SNX13: variants seen among roughly 807,000 people sequenced by gnomAD.
SNX13 encodes sorting nexin-13.
A neutral mutation model predicts 133.6 loss-of-function variants in SNX13; 45 were observed. The observed-to-expected ratio is 0.34, with a 90% CI of 0.27 to 0.43. The LOEUF (loss-of-function observed/expected upper bound fraction) is 0.43. Among genes scored for constraint, SNX13 ranks in the 20% least tolerant of loss-of-function variants. The pLI, the probability that SNX13 is intolerant of heterozygous loss-of-function variation, is 1.00. For synonymous variants in SNX13, 414 were observed against 373.9 expected (o/e 1.11, Z -1.24); for missense variants, 1,032 against 1,145.1 (o/e 0.90, Z 1.43).
At position 17,850,359 on chromosome 7, in the gene SNX13, C is replaced by G. The variant is rs1196558268; in HGVS notation, c.1053G>C (p.Leu351Phe). ...CTACTTTACTTACTTTGCCTGACTGCAATCGCTGTATTCTTGAGTCACATA... is the reference window on the plus strand; with the variant it reads ...CTACTTTACTTACTTTGCCTGACTGGAATCGCTGTATTCTTGAGTCACATA... ...KKVCDSRIQRLQSGKEINTVK... is the reference protein window; with the variant it reads ...KKVCDSRIQRFQSGKEINTVK... The change falls in exon 11 of 26, where the codon TTG (leucine) becomes TTC (phenylalanine). Residue 351 changes from leucine to phenylalanine, a missense_variant. Physicochemically the swap from Leu to Phe is conservative, Grantham distance 22. Coordinates refer to ENST00000428135, the MANE Select transcript of SNX13 (RefSeq NM_015132.5). 4 of 1,594,980 alleles carry G rather than the reference C, an allele frequency of 2.5e-6. No individual in the cohort carries two copies. The highest frequency in any genetic ancestry group is 3.4e-6 in the Non-Finnish European group (4 of 1,171,124).
intron 22 of SNX13, among the ~76,000 whole-genome samples, chr7:17,800,001 C>T (rs970156412): frequency 1.3e-5 from 2 of 151,670 alleles, no homozygotes; most frequent in African/African-American, 4.8e-5. Context: ...CAAACATTTC[C>T]TTAGTGCACC....
chr7:17,885,326 C>T (rs1484541474), intron 5 of SNX13, among the ~76,000 whole-genome samples: 1 of 148,672 alleles, frequency 6.7e-6, no homozygotes, highest in Non-Finnish European at 1.5e-5. Context: ...TTAGTGGTTA[C>T]CTAGAGCTAG....
chr7:17,872,655 T>C (rs562638147), intron 8 of SNX13, among the ~76,000 whole-genome samples: 5 of 152,264 alleles, frequency 3.3e-5, no homozygotes, highest in South Asian at 2.1e-4. Flanking sequence ...CCAAGCTAGG[T>C]AGATGTTAGG....
chr7:17,819,538 G>A (rs1787048682), intron 18 of SNX13, among the ~76,000 whole-genome samples: 1 of 152,092 alleles, frequency 6.6e-6, no homozygotes, highest in Admixed American at 6.6e-5. Flanking sequence ...TGGAAAAAAT[G>A]TTGTATCACA....
chr7:17,798,967 C>A, intron 23 of SNX13, 42 bp downstream of exon 23: 1 of 1,577,714 alleles, frequency 6.3e-7, no homozygotes, highest in Non-Finnish European at 8.6e-7. Context: ...AGTTTAATAG[C>A]TAAGTAAGAT....
At chr7:17,937,359 A>G (rs564254886) in intron 1 of SNX13, among the ~76,000 whole-genome samples, 3 of 152,066 alleles carry the variant, frequency 2.0e-5, no homozygotes, top group African/African-American at 4.8e-5. Context: ...AATTAGAGAT[A>G]TATTTTTGGC....
At chr7:17,938,767 T>C (rs1802407741) in intron 1 of SNX13, among the ~76,000 whole-genome samples, 1 of 152,204 alleles carries the variant, frequency 6.6e-6, no homozygotes, top group Non-Finnish European at 1.5e-5. Context: ...TAACATAAGC[T>C]AAGTTTAAGG....
At chr7:17,811,351 C>T (rs886271832) in intron 20 of SNX13, among the ~76,000 whole-genome samples, 1 of 150,988 alleles carries the variant, frequency 6.6e-6, no homozygotes, top group African/African-American at 2.4e-5. Flanking sequence ...TTCCTATACA[C>T]CAATAATAGA....
At chr7:17,875,288 G>C (rs540989800) in intron 7 of SNX13, among the ~76,000 whole-genome samples, 192 bp downstream of exon 7, 18 of 152,066 alleles carry the variant, frequency 1.2e-4, no homozygotes, top group Non-Finnish European at 2.2e-4. Flanking sequence ...AATTATTAAA[G>C]ATGACCTTTA....
Position 17,803,550 on chromosome 7 carries a change from A to T in SNX13, c.2095T>A (p.Ser699Thr). Residue 699 changes from serine (S) to threonine (T), a missense_variant, in exon 21 of 26, where the codon TCA (serine) becomes ACA (threonine). Transcript: ENST00000428135. ...MDTFVNPLRN[S>T]MRNVSNAVKS... ...ACTGCATTTGAAACATTCCTCATTGAATTGCGAAGTGGATTTACAAAAGTG... is the reference window on the plus strand; with the variant it reads ...ACTGCATTTGAAACATTCCTCATTGTATTGCGAAGTGGATTTACAAAAGTG... 1 of 1,610,802 alleles carries T rather than the reference A, an allele frequency of 6.2e-7. No individual in the cohort carries two copies. Among genetic ancestry groups the T allele is most frequent in the South Asian group, 1.1e-5 (1 of 90,242 alleles).
intron 17 of SNX13, 111 bp from the exon 18 acceptor site, chr7:17,821,759 T>C: frequency 3.2e-6 from 4 of 1,240,408 alleles, no homozygotes; most frequent in Non-Finnish European, 3.3e-6. Flanking sequence ...AAAGATAATA[T>C]GAAATGAAGA....
intron 2 of SNX13, among the ~76,000 whole-genome samples, chr7:17,896,153 T>G (rs1235727657): frequency 6.6e-6 from 1 of 152,220 alleles, no homozygotes; most frequent in Non-Finnish European, 1.5e-5. Context: ...TGTAGTATCT[T>G]CAATCATCTT....
intron 16 of SNX13, among the ~76,000 whole-genome samples, chr7:17,828,850 A>C (rs1182961528): frequency 6.6e-6 from 1 of 151,540 alleles, no homozygotes; most frequent in Non-Finnish European, 1.5e-5. Flanking sequence ...CAAGTACTAC[A>C]AATGTGAATA....
At chr7:17,866,433 G>A (rs1367110656) in intron 9 of SNX13, among the ~76,000 whole-genome samples, 2 of 152,126 alleles carry the variant, frequency 1.3e-5, no homozygotes, top group African/African-American at 4.8e-5. Flanking sequence ...AAACTACAAT[G>A]AGATACTATT....
intron 8 of SNX13, among the ~76,000 whole-genome samples, chr7:17,871,903 C>T (rs1794165358): frequency 6.6e-6 from 1 of 152,088 alleles, no homozygotes; most frequent in Non-Finnish European, 1.5e-5. Context: ...CTATAAGCCT[C>T]TTGAAGGACT....
At chr7:17,800,694 C>G (rs184225370) in intron 22 of SNX13, among the ~76,000 whole-genome samples, 100 of 151,790 alleles carry the variant, frequency 6.6e-4, no homozygotes, top group African/African-American at 2.2e-3. Flanking sequence ...AGCACTCCTA[C>G]TAATCAAAAG....
At chr7:17,854,423 T>A (rs763350405) in intron 9 of SNX13, among the ~76,000 whole-genome samples, 10 of 152,194 alleles carry the variant, frequency 6.6e-5, no homozygotes, top group Non-Finnish European at 1.2e-4. Flanking sequence ...AGGAATACCT[T>A]GTTTCAATTC....
chr7:17,923,100 T>C (rs536866683), intron 1 of SNX13, among the ~76,000 whole-genome samples: 2 of 152,324 alleles, frequency 1.3e-5, no homozygotes, highest in East Asian at 3.9e-4. Flanking sequence ...TCATTTAAAA[T>C]ATTTAAGTGA....
intron 17 of SNX13, among the ~76,000 whole-genome samples, chr7:17,824,597 C>T (rs1649026399): frequency 6.6e-6 from 1 of 151,860 alleles, no homozygotes; most frequent in African/African-American, 2.4e-5. Context: ...GGAACTCACT[C>T]AGGTTCACCC....
Sources: allele counts gnomAD v4.1 joint callset (sites outside exome capture counted in the v4.1 genomes callset), GRCh38; gene constraint gnomAD v4.1.1; transcripts MANE v1.5; gene names NCBI Gene and HGNC (gene_info 2026-07-23, HGNC 2026-07-21).